The following SYT16 variants were observed in gnomAD, a reference collection of about 807,000 sequenced individuals.
The protein encoded by SYT16 is synaptotagmin-16.
A neutral mutation model predicts 61.4 loss-of-function variants in SYT16; 42 were observed. The observed-to-expected ratio is 0.68, with a 90% CI of 0.53 to 0.89. SYT16 has a LOEUF of 0.89. Ranked by LOEUF, SYT16 falls within the 40% of genes least tolerant of loss-of-function variation. The pLI, the probability that SYT16 is intolerant of heterozygous loss-of-function variation, is 0.00. For missense variants in SYT16, 804 were observed against 807.3 expected (o/e 1.00, Z 0.05); for synonymous variants, 314 against 302.3 (o/e 1.04, Z -0.40).
intron 3 of SYT16, among the ~76,000 whole-genome samples, chr14:62,033,544 A>G (rs1270425949): frequency 2.0e-5 from 3 of 152,176 alleles, no homozygotes; most frequent in South Asian, 2.1e-4. Context: ...TCATGAGCCA[A>G]TGTGAAGAAA....
At chr14:61,871,067 A>T (rs2047316950) in intron 1 of SYT16, among the ~76,000 whole-genome samples, 2 of 152,202 alleles carry the variant, frequency 1.3e-5, no homozygotes, top group Non-Finnish European at 2.9e-5. Context: ...GAAGGCAGTT[A>T]AGCCAGCTTG....
intron 3 of SYT16, among the ~76,000 whole-genome samples, chr14:62,007,078 A>C (rs2053255587): frequency 6.6e-6 from 1 of 152,186 alleles, no homozygotes; most frequent in African/African-American, 2.4e-5. Context: ...GATTGATTTC[A>C]ACCCTTTGCA....
chr14:61,898,665 T>G (rs2048408656), intron 1 of SYT16, among the ~76,000 whole-genome samples: 1 of 152,186 alleles, frequency 6.6e-6, no homozygotes, highest in Non-Finnish European at 1.5e-5. Flanking sequence ...AGACACGAGC[T>G]GAGAGTGTAC....
At chr14:61,967,929 A>T (rs2051382066) in intron 1 of SYT16, among the ~76,000 whole-genome samples, 1 of 152,142 alleles carries the variant, frequency 6.6e-6, no homozygotes, top group South Asian at 2.1e-4. Context: ...GGTCAGTGGG[A>T]ATCTAGGTAT....
intron 1 of SYT16, among the ~76,000 whole-genome samples, chr14:61,899,343 G>A (rs919621025): frequency 1.3e-5 from 2 of 152,194 alleles, no homozygotes; most frequent in Admixed American, 6.5e-5. Context: ...TTTGCCCATG[G>A]CTGTTAGAGA....
rs958408205 is a variant in SYT16 at position 62,106,330 on chromosome 14, G to A, written c.*5623G>A. On this transcript the variant is annotated 3_prime_UTR_variant, in exon 8 of 8. Coordinates refer to ENST00000683842, the MANE Select transcript of SYT16 (RefSeq NM_001367656.1). ...TTCCTTGTTACTAGTATTGGAAGGT[G>A]AAACATTGGCTGAATTTATTGGGGC... 1 of 152,162 alleles carries A rather than the reference G, an allele frequency of 6.6e-6. No individual in the cohort carries two copies. Among genetic ancestry groups the A allele is most frequent in the Non-Finnish European group, 1.5e-5 (1 of 68,042 alleles). The allele number at this position is 152,162 out of a possible 1,614,324, so 9.4% of individuals were successfully genotyped here.
At chr14:61,889,350 T>C (rs747065054) in intron 1 of SYT16, among the ~76,000 whole-genome samples, 2 of 152,148 alleles carry the variant, frequency 1.3e-5, no homozygotes, top group Non-Finnish European at 2.9e-5. Flanking sequence ...GTTGGGGACA[T>C]TTTCCCTAAA....
intron 1 of SYT16, among the ~76,000 whole-genome samples, chr14:61,822,705 G>A (rs1296227168): frequency 6.6e-6 from 1 of 152,184 alleles, no homozygotes; most frequent in South Asian, 2.1e-4. Context: ...GCAGAAGGCA[G>A]TATGCTTTGT....
At chr14:62,035,707 A>T (rs190991293) in intron 3 of SYT16, among the ~76,000 whole-genome samples, 7 of 152,348 alleles carry the variant, frequency 4.6e-5, no homozygotes, top group Admixed American at 4.6e-4. Context: ...AATCCAGAGC[A>T]CAAAAGCCCA....
intron 1 of SYT16, among the ~76,000 whole-genome samples, chr14:61,817,556 A>T (rs1181972312): frequency 6.6e-6 from 1 of 152,214 alleles, no homozygotes; most frequent in East Asian, 1.9e-4. Context: ...ACATCAGACA[A>T]AGGCAAATCA....
chr14:61,903,535 A>G (rs925943298), intron 1 of SYT16, among the ~76,000 whole-genome samples: 2 of 152,220 alleles, frequency 1.3e-5, no homozygotes, highest in Non-Finnish European at 2.9e-5. Context: ...TTTCTTTTCA[A>G]TATCATGTAA....
Position 62,069,916 on chromosome 14 carries a change from G to C in SYT16, c.736+101G>C, listed in dbSNP as rs979566302. The C allele has an allele frequency of 3.7e-6, 5 of 1,344,912 alleles. No homozygotes were observed. The African/African-American group carries it at 5.8e-5, about 16-fold the overall frequency. The allele number at this position is 1,344,912 out of a possible 1,614,324, so 83.3% of individuals were successfully genotyped here. A position where few individuals can be genotyped will look rare whatever the true frequency, so the allele number is the denominator to read the frequency against. On this transcript the variant is annotated intron_variant, in intron 4 of 7. Coordinates refer to ENST00000683842, the MANE Select transcript of SYT16 (RefSeq NM_001367656.1). ...TGCACTCTGCATCTGAGAGTCCAGAGAGGAAAAGAAAATGAGGCAGGATGC... is the reference window on the plus strand; with the variant it reads ...TGCACTCTGCATCTGAGAGTCCAGACAGGAAAAGAAAATGAGGCAGGATGC...
At chr14:61,893,896 C>T (rs76496272) in intron 1 of SYT16, among the ~76,000 whole-genome samples, 5,452 of 152,296 alleles carry the variant, frequency 0.036, 322 homozygotes, top group African/African-American at 0.12. Context: ...CCTCTCTCAG[C>T]GGTGGCCTTT....
At chr14:61,820,862 A>T (rs1284346293) in intron 1 of SYT16, among the ~76,000 whole-genome samples, 1 of 152,068 alleles carries the variant, frequency 6.6e-6, no homozygotes, top group Non-Finnish European at 1.5e-5. Context: ...TGCTAGTAAT[A>T]CTCATACATA....
At chr14:61,873,743 A>G (rs887874596) in intron 1 of SYT16, among the ~76,000 whole-genome samples, 1 of 152,210 alleles carries the variant, frequency 6.6e-6, no homozygotes, top group African/African-American at 2.4e-5. Context: ...CAGTAATCTA[A>G]GCTATCCATC....
chr14:61,910,785 T>C (rs564148886), intron 1 of SYT16, among the ~76,000 whole-genome samples: 1 of 152,290 alleles, frequency 6.6e-6, no homozygotes, highest in East Asian at 1.9e-4. Context: ...CACCTCGGCC[T>C]CCCAAAGTGT....
At chr14:61,974,193 C>T (rs377239230) in intron 2 of SYT16, among the ~76,000 whole-genome samples, 50 of 152,112 alleles carry the variant, frequency 3.3e-4, no homozygotes, top group African/African-American at 1.1e-3. Context: ...GTGGTGGGAG[C>T]GGGGGCAGAG....
chr14:61,853,665 A>G (rs1402172719), intron 1 of SYT16, among the ~76,000 whole-genome samples: 1 of 152,202 alleles, frequency 6.6e-6, no homozygotes. Context: ...CAAGAAATAA[A>G]TTGCTATTGT....
intron 3 of SYT16, 184 bp from the exon 4 acceptor site, chr14:62,069,419 A>T: frequency 1.6e-6 from 1 of 606,600 alleles, no homozygotes; most frequent in South Asian, 2.0e-5. Context: ...CTTCATGAGC[A>T]TTCTTTGCTT....
Sources: gnomAD v4.1 joint callset for allele counts (sites outside exome capture counted in the v4.1 genomes callset) on GRCh38, gnomAD v4.1.1 for gene constraint, MANE v1.5 for transcripts, NCBI Gene and HGNC (gene_info 2026-07-23, HGNC 2026-07-21) for gene names.